GRIK2: variants seen among roughly 807,000 people sequenced by gnomAD.
GRIK2 encodes glutamate ionotropic receptor kainate type subunit 2.
A neutral mutation model predicts 100.3 loss-of-function variants in GRIK2; 32 were observed. The ratio of observed to expected loss-of-function variants is 0.32; its 90% CI spans 0.24 to 0.43. The LOEUF (loss-of-function observed/expected upper bound fraction) is 0.43, where lower values mean the gene tolerates loss of function less well. Among genes scored for constraint, GRIK2 ranks in the 20% least tolerant of loss-of-function variants. The probability of loss-of-function intolerance (pLI) is 1.00; values close to 1 mark genes in which losing one functional copy is unlikely to be tolerated. For synonymous variants in GRIK2, 417 were observed against 389.4 expected (o/e 1.07, Z -0.83); for missense variants, 843 against 1,114.9 (o/e 0.76, Z 3.47).
At chr6:101,879,848 G>A (rs1240236953) in intron 11 of GRIK2, among the ~76,000 whole-genome samples, 2 of 151,842 alleles carry the variant, frequency 1.3e-5, no homozygotes, top group Non-Finnish European at 2.9e-5. Flanking sequence ...CAAATGGAAA[G>A]TGAGGTCTCA....
At chr6:101,773,310 C>A (rs1778520741) in intron 7 of GRIK2, among the ~76,000 whole-genome samples, 1 of 151,886 alleles carries the variant, frequency 6.6e-6, no homozygotes, top group Non-Finnish European at 1.5e-5. Flanking sequence ...GAAACCCCAT[C>A]TCTACTAAAA....
intron 7 of GRIK2, among the ~76,000 whole-genome samples, chr6:101,742,837 T>C (rs755229046): frequency 5.3e-5 from 8 of 152,148 alleles, no homozygotes; most frequent in Admixed American, 6.5e-5. Context: ...TTGATGTTAA[T>C]GCCGGAGAGG....
At chr6:101,441,238 A>T (rs1430680723) in intron 2 of GRIK2, among the ~76,000 whole-genome samples, 3 of 152,150 alleles carry the variant, frequency 2.0e-5, no homozygotes, top group East Asian at 3.9e-4. Flanking sequence ...ATTCTTTCTG[A>T]GTAGTCTACT....
At position 101,726,686 on chromosome 6, in the gene GRIK2, T is replaced by G. The variant is rs1220308344; in HGVS notation, c.951+40333T>G. Among the ~76,000 whole-genome samples the G allele has an allele frequency of 2.0e-5, 3 of 152,054 alleles. No homozygotes were observed. The East Asian group carries it at 5.8e-4, about 29-fold the overall frequency. ...AATGTATATTAAAAGATTATAAAAT[T>G]ATGTGAGCAGTATGTATTTTTAGCA... On this transcript the variant is annotated intron_variant, in intron 7 of 16. Transcript: ENST00000369134.
chr6:101,738,801 G>A (rs1290896888), intron 7 of GRIK2, among the ~76,000 whole-genome samples: 1 of 151,968 alleles, frequency 6.6e-6, no homozygotes, highest in Non-Finnish European at 1.5e-5. Flanking sequence ...ATGTCTCTTG[G>A]GTGGCAAAAT....
intron 12 of GRIK2, 146 bp downstream of exon 12, chr6:101,890,009 T>C (rs1786938210): frequency 1.6e-6 from 1 of 621,290 alleles, no homozygotes; most frequent in African/African-American, 1.8e-5. Flanking sequence ...AAGAATCACA[T>C]TCATTTATTA....
chr6:101,400,323 G>A (rs185079934), intron 2 of GRIK2, among the ~76,000 whole-genome samples: 1 of 152,316 alleles, frequency 6.6e-6, no homozygotes, highest in East Asian at 1.9e-4. Context: ...CCTGGTCAGA[G>A]GGTCAGAGTG....
intron 10 of GRIK2, among the ~76,000 whole-genome samples, chr6:101,841,246 C>T (rs1783480905): frequency 6.6e-6 from 1 of 152,120 alleles, no homozygotes; most frequent in African/African-American, 2.4e-5. Flanking sequence ...TATAGGCACA[C>T]CCTAAAACTA....
chr6:101,912,874 C>T (rs1788842232), intron 12 of GRIK2, among the ~76,000 whole-genome samples: 1 of 151,488 alleles, frequency 6.6e-6, no homozygotes, highest in African/African-American at 2.4e-5. Context: ...AAGAAACTTG[C>T]ACTTAAGATG....
At chr6:101,510,487 C>G (rs1364167363) in intron 2 of GRIK2, among the ~76,000 whole-genome samples, 1 of 141,908 alleles carries the variant, frequency 7.0e-6, no homozygotes, top group Non-Finnish European at 1.5e-5. Flanking sequence ...TTGGCTATGT[C>G]AGATCATGAT....
chr6:101,422,720 C>A (rs1776470210), intron 2 of GRIK2, among the ~76,000 whole-genome samples: 1 of 151,400 alleles, frequency 6.6e-6, no homozygotes. Flanking sequence ...AATATAAATT[C>A]AATCTACTGC....
intron 2 of GRIK2, among the ~76,000 whole-genome samples, chr6:101,618,827 A>G (rs2128315659): frequency 6.6e-6 from 1 of 151,592 alleles, no homozygotes; most frequent in East Asian, 1.9e-4. Flanking sequence ...ACTAAAGAAG[A>G]GTGGATATTG....
chr6:101,784,037 C>T (rs994309742), intron 7 of GRIK2, among the ~76,000 whole-genome samples: 5 of 152,152 alleles, frequency 3.3e-5, no homozygotes, highest in African/African-American at 1.2e-4. Flanking sequence ...AAGAAAAACC[C>T]GTCTTCTGGG....
intron 2 of GRIK2, among the ~76,000 whole-genome samples, chr6:101,451,911 A>G (rs977571669): frequency 4.6e-5 from 7 of 151,732 alleles, no homozygotes; most frequent in Non-Finnish European, 1.0e-4. Context: ...AGGTATATTC[A>G]CACCTATTCG....
At chr6:101,967,649 G>A (rs545122806) in intron 14 of GRIK2, among the ~76,000 whole-genome samples, 4 of 152,074 alleles carry the variant, frequency 2.6e-5, no homozygotes, top group South Asian at 2.1e-4. Flanking sequence ...TTTCTAGTCC[G>A]GATATCAGGT....
intron 2 of GRIK2, among the ~76,000 whole-genome samples, chr6:101,410,751 G>A (rs955220786): frequency 6.6e-6 from 1 of 152,028 alleles, no homozygotes; most frequent in Non-Finnish European, 1.5e-5. Context: ...CAATTTACCT[G>A]TATTACAAGC....
At chr6:101,911,756 C>T (rs900045208) in intron 12 of GRIK2, among the ~76,000 whole-genome samples, 2 of 151,240 alleles carry the variant, frequency 1.3e-5, no homozygotes, top group Non-Finnish European at 3.0e-5. Flanking sequence ...AACTTGAGAA[C>T]ATTTAGTCTA....
chr6:102,017,989 C>T (rs773227217), intron 14 of GRIK2, among the ~76,000 whole-genome samples: 46 of 152,034 alleles, frequency 3.0e-4, no homozygotes, highest in Admixed American at 5.9e-4. Flanking sequence ...CGTTCTTGGC[C>T]GGATAATTCC....
At chr6:101,865,706 G>A (rs1039759896) in intron 11 of GRIK2, among the ~76,000 whole-genome samples, 2 of 151,874 alleles carry the variant, frequency 1.3e-5, no homozygotes, top group African/African-American at 2.4e-5. Flanking sequence ...GGCCAACATG[G>A]TGAAAACCCG....
Sources: gnomAD v4.1 joint callset for allele counts (sites outside exome capture counted in the v4.1 genomes callset) on GRCh38, gnomAD v4.1.1 for gene constraint, MANE v1.5 for transcripts, NCBI Gene and HGNC (gene_info 2026-07-23, HGNC 2026-07-21) for gene names.